Variants in PDE8B observed in about 807,000 individuals in gnomAD.
The protein encoded by PDE8B is phosphodiesterase 8B.
In PDE8B, 26 loss-of-function variants were observed where a neutral mutation model predicts 101.3. That is an observed-to-expected ratio of 0.26 (90% CI 0.19 to 0.36). The LOEUF (loss-of-function observed/expected upper bound fraction) is 0.36, where lower values mean the gene tolerates loss of function less well. PDE8B is among the 10% of genes least tolerant of loss of function. The pLI is 1.00. For synonymous variants in PDE8B, 424 were observed against 429.3 expected (o/e 0.99, Z 0.15); for missense variants, 810 against 1,163.1 (o/e 0.70, Z 4.42).
intron 10 of PDE8B, among the ~76,000 whole-genome samples, chr5:77,397,725 T>A (rs1321078549): frequency 6.6e-6 from 1 of 152,228 alleles, no homozygotes; most frequent in Non-Finnish European, 1.5e-5. Context: ...CATGGAAGTT[T>A]TAGGGCCTAA....
Position 77,262,711 on chromosome 5 carries a change from G to A in PDE8B, c.340-49283G>A, listed in dbSNP as rs570067440. On this transcript the variant is annotated intron_variant, in intron 1 of 21. Transcript: ENST00000264917. ...TTCTACTTCTGTCTTTAGTGCACTT[G>A]TAATATGCCAGTGTCTGGAAACCAT... 2.6e-5 allele frequency among the ~76,000 whole-genome samples: 4 copies of A among 152,320 alleles called. No individual in the cohort carries two copies. In the South Asian group the frequency reaches 8.3e-4, roughly 32 times the overall value.
the PDE8B span, among the ~76,000 whole-genome samples, chr5:77,181,354 C>T: frequency 1.3e-5 from 2 of 152,124 alleles, no homozygotes; most frequent in African/African-American, 4.8e-5. Flanking sequence ...GCGGCGCTGC[C>T]ACTCTGAACT....
At chr5:77,361,151 C>G (rs1783027742) in intron 10 of PDE8B, among the ~76,000 whole-genome samples, 1 of 152,098 alleles carries the variant, frequency 6.6e-6, no homozygotes, top group South Asian at 2.1e-4. Flanking sequence ...ATGGAAATGC[C>G]AGATAAAGCT....
chr5:77,295,694 A>T (rs1419735818), intron 1 of PDE8B, among the ~76,000 whole-genome samples: 1 of 152,208 alleles, frequency 6.6e-6, no homozygotes, highest in African/African-American at 2.4e-5. Flanking sequence ...GTTTAAACAC[A>T]GGAGAGCTCA....
Position 77,210,877 on chromosome 5 carries a change from C to T in PDE8B, c.-49C>T, listed in dbSNP as rs1748126737. On this transcript the variant is annotated 5_prime_UTR_variant, in exon 1 of 22. Coordinates refer to ENST00000264917, the MANE Select transcript of PDE8B (RefSeq NM_003719.5). This position sits in a 1 kb window ranked among gnomAD's most constrained non-coding sequence, Gnocchi z 4.9. Reference sequence around the variant, plus strand: ...GCAGGTGGCAGCGGGTGCGCTGGGTCCCGGCGGCCGCGGGCGCGGGCGGGC... The same window carrying T: ...GCAGGTGGCAGCGGGTGCGCTGGGTTCCGGCGGCCGCGGGCGCGGGCGGGC... 2 of 1,224,034 alleles carry T rather than the reference C, an allele frequency of 1.6e-6. No homozygotes were observed. The highest frequency in any genetic ancestry group is 3.7e-5 in the East Asian group (1 of 27,318). 75.8% of individuals were successfully genotyped at this position (1,224,034 alleles called of 1,614,324 possible). A position where few individuals can be genotyped will look rare whatever the true frequency, so the allele number is the denominator to read the frequency against.
At chr5:77,304,364 C>T (rs1393467314) in intron 1 of PDE8B, among the ~76,000 whole-genome samples, 1 of 152,068 alleles carries the variant, frequency 6.6e-6, no homozygotes, top group Non-Finnish European at 1.5e-5. Context: ...ATTTCCCCGG[C>T]TTTGTTTTTG....
intron 17 of PDE8B, among the ~76,000 whole-genome samples, 180 bp from the exon 18 acceptor site, chr5:77,418,049 A>G (rs1349591529): frequency 6.6e-6 from 1 of 152,182 alleles, no homozygotes; most frequent in East Asian, 1.9e-4. Context: ...AACAGACAGC[A>G]CAGTAAAGCG....
At chr5:77,401,970 C>T (rs1396137281) in intron 11 of PDE8B, among the ~76,000 whole-genome samples, 1 of 152,178 alleles carries the variant, frequency 6.6e-6, no homozygotes, top group Non-Finnish European at 1.5e-5. Context: ...ACCAGCTAGC[C>T]TGGGCCACAG....
intron 2 of PDE8B, among the ~76,000 whole-genome samples, chr5:77,316,252 G>A (rs1289998159): frequency 2.0e-5 from 3 of 151,796 alleles, no homozygotes; most frequent in Non-Finnish European, 2.9e-5. Context: ...TATTATTATT[G>A]AGACAAAGTC....
intron 1 of PDE8B, among the ~76,000 whole-genome samples, chr5:77,289,979 T>G (rs2149928865): frequency 6.6e-6 from 1 of 152,328 alleles, no homozygotes; most frequent in East Asian, 1.9e-4. Flanking sequence ...TCCTTATCAC[T>G]GTGGGGCTCA....
intron 10 of PDE8B, chr5:77,358,363 C>T (rs1782489213): frequency 1.2e-6 from 1 of 817,424 alleles, no homozygotes. Context: ...ATCTTCCAAA[C>T]CTTCCAGCCC....
rs1792112009 is a variant in PDE8B at position 77,400,838 on chromosome 5, A to G, written c.1210+548A>G. 3.3e-5 allele frequency among the ~76,000 whole-genome samples: 5 copies of G among 151,580 alleles called. No homozygotes were observed. The South Asian group carries it at 1.0e-3, about 32-fold the overall frequency. On this transcript the variant is annotated intron_variant, in intron 11 of 21. Coordinates refer to ENST00000264917, the MANE Select transcript of PDE8B (RefSeq NM_003719.5). ...GGAGCTGGACCTGATGACTTCTACAAGTGGAAAGGTCTGGAATTCTCTGAC... is the reference window on the plus strand; with the variant it reads ...GGAGCTGGACCTGATGACTTCTACAGGTGGAAAGGTCTGGAATTCTCTGAC...
In PDE8B at chr5:77,397,026, A is replaced by ATTTTTTTTTT. The variant is rs71606290; in HGVS notation, c.1168-3207_1168-3198dup. Among the ~76,000 whole-genome samples the ATTTTTTTTTT allele has an allele frequency of 8.3e-4, 70 of 84,400 alleles. 7 individuals carry two copies. Among genetic ancestry groups the ATTTTTTTTTT allele is most frequent in the East Asian group, 6.3e-3 (15 of 2,392 alleles). The allele number at this position is 84,400 out of a possible 152,430, so 55.4% of individuals were successfully genotyped here. A position where few individuals can be genotyped will look rare whatever the true frequency, so the allele number is the denominator to read the frequency against. On this transcript the variant is annotated intron_variant, in intron 10 of 21. Coordinates refer to ENST00000264917, the MANE Select transcript of PDE8B (RefSeq NM_003719.5). ...TTGGTTTCTATATTTCCGATAAGAA[A>ATTTTTTTTTT]TTTTTTTTTTTTTTTTTTTTTTTTG...
intron 10 of PDE8B, among the ~76,000 whole-genome samples, chr5:77,365,864 G>A (rs1446575724): frequency 1.3e-5 from 2 of 152,314 alleles, no homozygotes; most frequent in East Asian, 1.9e-4. Context: ...AGGTGCTTCC[G>A]TAGGGGTAGA....
At chr5:77,173,210 A>G in the PDE8B span, among the ~76,000 whole-genome samples, 11 of 152,342 alleles carry the variant, frequency 7.2e-5, no homozygotes, top group African/African-American at 2.6e-4. Context: ...GATCTTGTAG[A>G]CAAATCTGAC....
At chr5:77,338,241 T>C (rs1778552328) in intron 6 of PDE8B, among the ~76,000 whole-genome samples, 1 of 152,240 alleles carries the variant, frequency 6.6e-6, no homozygotes, top group African/African-American at 2.4e-5. Context: ...GATTACTTAT[T>C]GTCATTCAAA....
At chr5:77,107,489 T>G in the PDE8B span, among the ~76,000 whole-genome samples, 1 of 152,220 alleles carries the variant, frequency 6.6e-6, no homozygotes, top group Non-Finnish European at 1.5e-5. Context: ...TTATTTTTTT[T>G]GTCCAATATC....
At chr5:77,089,789 C>G in the PDE8B span, among the ~76,000 whole-genome samples, 1 of 152,194 alleles carries the variant, frequency 6.6e-6, no homozygotes, top group Non-Finnish European at 1.5e-5. Flanking sequence ...ATCAATTCCA[C>G]CACTGGTTAT....
intron 1 of PDE8B, among the ~76,000 whole-genome samples, chr5:77,256,494 C>T (rs1395183638): frequency 2.0e-5 from 3 of 152,164 alleles, no homozygotes; most frequent in South Asian, 2.1e-4. Context: ...TATTCAGTCA[C>T]GCATCTTGTA....
Sources: allele counts gnomAD v4.1 joint callset (sites outside exome capture counted in the v4.1 genomes callset), GRCh38; gene constraint gnomAD v4.1.1; non-coding constraint Gnocchi (gnomAD v3.1); transcripts MANE v1.5; gene names NCBI Gene and HGNC (gene_info 2026-07-23, HGNC 2026-07-21).